TSPYL1: variants seen among roughly 807,000 people sequenced by gnomAD.
The protein encoded by TSPYL1 is TSPY like 1, also known as testis-specific Y-encoded-like protein 1.
Under a neutral mutation model 20.1 loss-of-function variants are expected in TSPYL1, and 16 were observed. That is an observed-to-expected ratio of 0.80 (90% CI 0.54 to 1.21). The LOEUF is 1.21. Among genes scored for constraint, TSPYL1 ranks in the 50% most tolerant of loss-of-function variants. The pLI is 0.00. For missense variants in TSPYL1, 560 were observed against 569.3 expected, an observed-to-expected ratio of 0.98 and a Z score of 0.17; for synonymous variants, 259 against 227.1, an observed-to-expected ratio of 1.14 and a Z score of -1.26.
At position 116,274,906 on chromosome 6, in the gene TSPYL1, A is replaced by T. The variant is rs1773054466; in HGVS notation, c.*3611T>A. Among the ~76,000 whole-genome samples, 2 of 152,226 alleles carry T rather than the reference A, an allele frequency of 1.3e-5. No homozygotes were observed. Among genetic ancestry groups the T allele is most frequent in the Non-Finnish European group, 2.9e-5 (2 of 68,040 alleles). On this transcript the variant is annotated 3_prime_UTR_variant, in exon 1 of 1. Transcript: ENST00000368608. ...TTACAGATATTTTATATGCTTTCAG[A>T]TATTCCTCAGGAAGTCGAGACATGC...
rs373866929 is a variant in TSPYL1 at position 116,279,852 on chromosome 6, C to T, written c.-22G>A. 14 of 1,612,944 alleles carry T rather than the reference C, an allele frequency of 8.7e-6. No individual in the cohort carries two copies. The African/African-American group carries it at 1.3e-4, about 15-fold the overall frequency. On this transcript the variant is annotated 5_prime_UTR_variant, in exon 1 of 1. Coordinates refer to ENST00000368608, the MANE Select transcript of TSPYL1 (RefSeq NM_003309.4). ...TCATGTTGCTAACAGTCGGACCAAC[C>T]GCAGGCGAACGCCCGTTTTCCTCAG...
rs777621386 is a variant in TSPYL1 at position 116,278,926 on chromosome 6, C to T, written c.905G>A (p.Arg302Lys). The stretch of plus-strand genomic sequence containing the variant: ...CTTCACCTCTAAATTGGTTATGTAC[C>T]TTAACATCTCTGCATCTTGGCCCCT... ...MIRGQDAEML[R>K]YITNLEVKEL... The change falls in exon 1 of 1, where the codon AGG becomes AAG. Residue 302 changes from arginine (R) to lysine (K), a missense_variant. Coordinates refer to ENST00000368608, the MANE Select transcript of TSPYL1 (RefSeq NM_003309.4). The T allele has an allele frequency of 3.1e-6, 5 of 1,614,064 alleles. No homozygotes were observed. In the South Asian group the frequency reaches 5.5e-5, roughly 18 times the overall value.
rs939312319 is a variant in TSPYL1, at chr6:116,275,268, G to C, written c.*3249C>G. On this transcript the variant is annotated 3_prime_UTR_variant, in exon 1 of 1. Coordinates refer to ENST00000368608, the MANE Select transcript of TSPYL1 (RefSeq NM_003309.4). The stretch of plus-strand genomic sequence containing the variant: ...CTTAAAATGTACAAAGTATATAAAA[G>C]GTAACCCAAAATTAAGTAGTGCTCT... Among the ~76,000 whole-genome samples, 3 of 152,124 alleles carry C rather than the reference G, an allele frequency of 2.0e-5. No homozygotes were observed. Among genetic ancestry groups the C allele is most frequent in the African/African-American group, 7.2e-5 (3 of 41,416 alleles).
chr6:116,278,141 G>A lies in TSPYL1; in HGVS notation c.*376C>T, dbSNP rs1224253819. On this transcript the variant is annotated 3_prime_UTR_variant, in exon 1 of 1. Transcript: ENST00000368608. ...CTGCTCAATGCAGAGCTGAGTAGGT[G>A]GAACAGGCTCCCAAAGCTAGAAATC... The A allele has an allele frequency of 3.2e-6, 1 of 310,016 alleles. No individual in the cohort carries two copies. Among genetic ancestry groups the A allele is most frequent in the Non-Finnish European group, 6.3e-6 (1 of 157,840 alleles). The allele number at this position is 310,016 out of a possible 1,614,324, so 19.2% of individuals were successfully genotyped here.
At position 116,279,050 on chromosome 6, in the gene TSPYL1, G is replaced by C. The variant is rs745606315; in HGVS notation, c.781C>G (p.Arg261Gly). ...TTCCTCCGCTCCAGGTAGTGTCGACGCATCCGCCCAAACTTGTGCTCCAGC... is the reference window on the plus strand; with the variant it reads ...TTCCTCCGCTCCAGGTAGTGTCGACCCATCCGCCCAAACTTGTGCTCCAGC... ...QQLEHKFGRM[R>G]RHYLERRNYI... Residue 261 changes from arginine (R) to glycine (G), a missense_variant, in exon 1 of 1, where the codon CGT becomes GGT. By Grantham distance (125) the Arg-to-Gly change is moderately radical. Transcript: ENST00000368608. The C allele has an allele frequency of 1.9e-6, 3 of 1,613,136 alleles. No individual in the cohort carries two copies. In the South Asian group the frequency reaches 3.3e-5, roughly 18 times the overall value.
Position 116,278,061 on chromosome 6 carries a change from T to C in TSPYL1, c.*456A>G. ...CACACAGAACAAGTGGCTCACTGCT[T>C]TTCTCCTCTGAGTTCATTAACGTCC... On this transcript the variant is annotated 3_prime_UTR_variant, in exon 1 of 1. Transcript: ENST00000368608. 5.7e-6 allele frequency: 1 copy of C among 176,498 alleles called. No individual in the cohort carries two copies. The highest frequency in any genetic ancestry group is 5.4e-5 in the Admixed American group (1 of 18,426). The allele number at this position is 176,498 out of a possible 1,614,324, so 10.9% of individuals were successfully genotyped here.
Position 116,279,796 on chromosome 6 carries a change from G to A in TSPYL1, c.35C>T (p.Pro12Leu). 6.2e-7 allele frequency: 1 copy of A among 1,612,964 alleles called. No homozygotes were observed. Among genetic ancestry groups the A allele is most frequent in the Non-Finnish European group, 8.5e-7 (1 of 1,180,036 alleles). ...AATAATGATGCTGTGGGTTTGGAGGGGAGTGGTCCTCTTGACCCCATCCAG... is the reference window on the plus strand; with the variant it reads ...AATAATGATGCTGTGGGTTTGGAGGAGAGTGGTCCTCTTGACCCCATCCAG... ...SGLDGVKRTT[P>L]LQTHSIIISD... Residue 12 changes from proline (P) to leucine (L), a missense_variant, in exon 1 of 1, where the codon CCC (proline) becomes CTC (leucine). By Grantham distance (98) the Pro-to-Leu change is moderately conservative (BLOSUM62 -3). Coordinates refer to ENST00000368608, the MANE Select transcript of TSPYL1 (RefSeq NM_003309.4).
In TSPYL1 at chr6:116,279,601, C is replaced by A; in HGVS notation, c.230G>T (p.Arg77Leu). Residue 77 changes from arginine (R) to leucine (L), a missense_variant, in exon 1 of 1, where the codon CGT becomes CTT. By Grantham distance (102) the Arg-to-Leu change is moderately radical (BLOSUM62 -2). Transcript: ENST00000368608. Reference sequence around the variant, plus strand: ...AACTCGGATCTGGGGAGTACCGCCACGGCCCGCGGCATCCTGGGGTACGCC... The same window carrying A: ...AACTCGGATCTGGGGAGTACCGCCAAGGCCCGCGGCATCCTGGGGTACGCC... ...EGGVPQDAAG[R>L]GGTPQIRVVG... is the part of the protein sequence containing the mutation. 1 of 1,602,168 alleles carries A rather than the reference C, an allele frequency of 6.2e-7. No individual in the cohort carries two copies. The highest frequency in any genetic ancestry group is 8.5e-7 in the Non-Finnish European group (1 of 1,179,782).
rs1773265684 is a variant in TSPYL1, at chr6:116,278,372, G to A, written c.*145C>T. On this transcript the variant is annotated 3_prime_UTR_variant, in exon 1 of 1. Coordinates refer to ENST00000368608, the MANE Select transcript of TSPYL1 (RefSeq NM_003309.4). Reference sequence around the variant, plus strand: ...CACCGTCTCAATCTTGAGGTTGAGAGAACTGAATATCCAAAGGAAACAGGG... The same window carrying A: ...CACCGTCTCAATCTTGAGGTTGAGAAAACTGAATATCCAAAGGAAACAGGG... The A allele has an allele frequency of 3.0e-6, 3 of 1,015,188 alleles. No homozygotes were observed. In the South Asian group the frequency reaches 4.5e-5, roughly 15 times the overall value. The allele number at this position is 1,015,188 out of a possible 1,614,324, so 62.9% of individuals were successfully genotyped here.
Position 116,279,279 on chromosome 6 carries a change from C to T in TSPYL1, c.552G>A (p.Glu184=), listed in dbSNP as rs1187597369. 1 of 1,578,302 alleles carries T rather than the reference C, an allele frequency of 6.3e-7. No homozygotes were observed. Among genetic ancestry groups the T allele is most frequent in the Non-Finnish European group, 8.5e-7 (1 of 1,173,066 alleles). ...CTACCTCCATCTGCTCCTCCATTAC[C>T]TCCTTCTCCGCCAGGCCTTCCTTCA... ...EVVKEGLAEK[E]VMEEQMEVEE... The change falls in exon 1 of 1, where the codon GAG becomes GAA. Residue 184 remains glutamate (E), a synonymous_variant. Transcript: ENST00000368608.
At position 116,275,743 on chromosome 6, in the gene TSPYL1, T is replaced by C. The variant is rs1370061140; in HGVS notation, c.*2774A>G. ...TGAAACCGGGAGGCGGAAGTTGCAGTGAGCCGAGATCGCGCCACTTGCGCT... is the reference window on the plus strand; with the variant it reads ...TGAAACCGGGAGGCGGAAGTTGCAGCGAGCCGAGATCGCGCCACTTGCGCT... On this transcript the variant is annotated 3_prime_UTR_variant, in exon 1 of 1. Transcript: ENST00000368608. Among the ~76,000 whole-genome samples the C allele has an allele frequency of 6.1e-5, 9 of 148,360 alleles. No homozygotes were observed. In the Admixed American group the frequency reaches 6.1e-4, roughly 10 times the overall value.
At position 116,279,755 on chromosome 6, in the gene TSPYL1, T is replaced by C; in HGVS notation, c.76A>G (p.Ser26Gly). Residue 26 changes from serine to glycine, a missense_variant, in exon 1 of 1, where the codon AGC becomes GGC. Transcript: ENST00000368608. ...AGGTACTGGTGTGCGTCCTGGTCGCTCGGGACTTGGTCAGAAATAATGATG... is the reference window on the plus strand; with the variant it reads ...AGGTACTGGTGTGCGTCCTGGTCGCCCGGGACTTGGTCAGAAATAATGATG... ...HSIIISDQVP[S>G]DQDAHQYLRL... 1 of 1,612,250 alleles carries C rather than the reference T, an allele frequency of 6.2e-7. No individual in the cohort carries two copies.
rs1452776975 is a variant in TSPYL1, at chr6:116,276,871, G to C, written c.*1646C>G. ...TATATCACTTACTAAGTTGTTACCA[G>C]GGAAAATTATCATGTAAGACAATCA... On this transcript the variant is annotated 3_prime_UTR_variant, in exon 1 of 1. Coordinates refer to ENST00000368608, the MANE Select transcript of TSPYL1 (RefSeq NM_003309.4). The C allele has an allele frequency of 6.6e-6, 1 of 152,122 alleles. No homozygotes were observed. The highest frequency in any genetic ancestry group is 1.9e-4 in the East Asian group (1 of 5,192). 9.4% of individuals were successfully genotyped at this position (152,122 alleles called of 1,614,324 possible).
Position 116,278,370 on chromosome 6 carries a change from G to T in TSPYL1, c.*147C>A. 1.0e-6 allele frequency: 1 copy of T among 995,324 alleles called. No homozygotes were observed. The highest frequency in any genetic ancestry group is 1.5e-6 in the Non-Finnish European group (1 of 657,456). 61.7% of individuals were successfully genotyped at this position (995,324 alleles called of 1,614,324 possible). Reference sequence around the variant, plus strand: ...ACCACCGTCTCAATCTTGAGGTTGAGAGAACTGAATATCCAAAGGAAACAG... The same window carrying T: ...ACCACCGTCTCAATCTTGAGGTTGATAGAACTGAATATCCAAAGGAAACAG... On this transcript the variant is annotated 3_prime_UTR_variant, in exon 1 of 1. Coordinates refer to ENST00000368608, the MANE Select transcript of TSPYL1 (RefSeq NM_003309.4).
Position 116,279,847 on chromosome 6 carries a change from C to A in TSPYL1, c.-17G>T, listed in dbSNP as rs1454553238. The A allele has an allele frequency of 1.2e-6, 2 of 1,613,058 alleles. No homozygotes were observed. The highest frequency in any genetic ancestry group is 8.5e-7 in the Non-Finnish European group (1 of 1,180,026). On this transcript the variant is annotated 5_prime_UTR_variant, in exon 1 of 1. Coordinates refer to ENST00000368608, the MANE Select transcript of TSPYL1 (RefSeq NM_003309.4). ...GCCGCTCATGTTGCTAACAGTCGGA[C>A]CAACCGCAGGCGAACGCCCGTTTTC...
rs181424910 is a variant in TSPYL1, at chr6:116,275,485, C to T, written c.*3032G>A. Among the ~76,000 whole-genome samples the T allele has an allele frequency of 3.3e-5, 5 of 152,186 alleles. No homozygotes were observed. The highest frequency in any genetic ancestry group is 5.9e-5 in the Non-Finnish European group (4 of 68,034). On this transcript the variant is annotated 3_prime_UTR_variant, in exon 1 of 1. Transcript: ENST00000368608. ...CTGAGTTTTGTCATTCAATATTTAT[C>T]TGCTGACAACTATGCAAAACATTAT... is the stretch of plus-strand genomic sequence containing the variant.
At position 116,279,602 on chromosome 6, in the gene TSPYL1, G is replaced by A. The variant is rs1582929756; in HGVS notation, c.229C>T (p.Arg77Cys). 5 of 1,602,184 alleles carry A rather than the reference G, an allele frequency of 3.1e-6. No individual in the cohort carries two copies. Among genetic ancestry groups the A allele is most frequent in the East Asian group, 2.2e-5 (1 of 44,860 alleles). Residue 77 changes from arginine to cysteine, a missense_variant, in exon 1 of 1, where the codon CGT becomes TGT. Coordinates refer to ENST00000368608, the MANE Select transcript of TSPYL1 (RefSeq NM_003309.4). ...ACTCGGATCTGGGGAGTACCGCCAC[G>A]GCCCGCGGCATCCTGGGGTACGCCC... is the stretch of plus-strand genomic sequence containing the variant. Reference protein sequence around the residue: ...EGGVPQDAAGRGGTPQIRVVG... With the variant: ...EGGVPQDAAGCGGTPQIRVVG...
chr6:116,278,714 G>A lies in TSPYL1; in HGVS notation c.1117C>T (p.Leu373Phe). ...PQSFIRRNQD[L>F]ICSFFTWFSD... ...AACCAAGTGAAGAAGCTGCAGATGA[G>A]GTCTTGGTTTCTGCGAATGAAGGAC... The change falls in exon 1 of 1, where the codon CTC becomes TTC. Residue 373 changes from leucine (L) to phenylalanine (F), a missense_variant. Coordinates refer to ENST00000368608, the MANE Select transcript of TSPYL1 (RefSeq NM_003309.4). 6.2e-7 allele frequency: 1 copy of A among 1,614,146 alleles called. No homozygotes were observed. Among genetic ancestry groups the A allele is most frequent in the Non-Finnish European group, 8.5e-7 (1 of 1,180,012 alleles).
In TSPYL1 at chr6:116,277,034, C is replaced by T. The variant is rs1773173682; in HGVS notation, c.*1483G>A. On this transcript the variant is annotated 3_prime_UTR_variant, in exon 1 of 1. Transcript: ENST00000368608. The stretch of plus-strand genomic sequence containing the variant: ...CAAGTTGAAAACTGTTATGACTATT[C>T]ATATGTCTCTATATTGTACAGGCAA... The T allele has an allele frequency of 6.6e-6, 1 of 152,128 alleles. No individual in the cohort carries two copies. The highest frequency in any genetic ancestry group is 2.4e-5 in the African/African-American group (1 of 41,420). 9.4% of individuals were successfully genotyped at this position (152,128 alleles called of 1,614,324 possible).
Sources: gnomAD v4.1 joint callset for allele counts (sites outside exome capture counted in the v4.1 genomes callset) on GRCh38, gnomAD v4.1.1 for gene constraint, MANE v1.5 for transcripts, NCBI Gene and HGNC (gene_info 2026-07-23, HGNC 2026-07-21) for gene names.